The following EIF3K variants were observed in gnomAD, a reference collection of about 807,000 sequenced individuals.
EIF3K encodes eukaryotic translation initiation factor 3 subunit K.
EIF3K carries 27 observed loss-of-function variants against 34.2 expected under a neutral mutation model. That is an observed-to-expected ratio of 0.79 (90% CI 0.58 to 1.09). The LOEUF is 1.09. Among genes scored for constraint, EIF3K ranks in the 50% least tolerant of loss-of-function variants. The probability of loss-of-function intolerance (pLI) is 0.00; values close to 1 mark genes in which losing one functional copy is unlikely to be tolerated. For synonymous variants in EIF3K, 105 were observed against 105.7 expected, an observed-to-expected ratio of 0.99 and a Z score of 0.04; for missense variants, 232 against 275.4, an observed-to-expected ratio of 0.84 and a Z score of 1.11.
chr19:38,630,317 C>T (rs1976033376), intron 4 of EIF3K, among the ~76,000 whole-genome samples: 1 of 151,206 alleles, frequency 6.6e-6, no homozygotes, highest in East Asian at 1.9e-4. Context: ...TCCACCACCA[C>T]ACCCGGTTTA....
At chr19:38,636,529 A>G (rs554387395) in intron 7 of EIF3K, among the ~76,000 whole-genome samples, 2 of 152,322 alleles carry the variant, frequency 1.3e-5, no homozygotes, top group South Asian at 2.1e-4. Flanking sequence ...AGTAAATATT[A>G]TCATGTAGGT....
At chr19:38,622,231 A>G (rs918224078) in intron 2 of EIF3K, among the ~76,000 whole-genome samples, 1 of 149,644 alleles carries the variant, frequency 6.7e-6, no homozygotes, top group African/African-American at 2.5e-5. Flanking sequence ...TCGGCCTCCT[A>G]AGTAGCTGTA....
intron 2 of EIF3K, among the ~76,000 whole-genome samples, chr19:38,622,161 G>A (rs1021462521): frequency 1.0e-4 from 15 of 149,556 alleles, no homozygotes; most frequent in Middle Eastern, 3.4e-3. Flanking sequence ...GCCTTGGCGT[G>A]ATCTCATGAT....
rs527953782 is a variant in EIF3K, at chr19:38,635,594, G to T, written c.625+476G>T. The T allele has an allele frequency of 1.6e-5, 3 of 187,536 alleles. No homozygotes were observed. In the East Asian group the frequency reaches 3.9e-4, roughly 24 times the overall value. The allele number at this position is 187,536 out of a possible 1,614,324, so 11.6% of individuals were successfully genotyped here. A position where few individuals can be genotyped will look rare whatever the true frequency, so the allele number is the denominator to read the frequency against. On this transcript the variant is annotated intron_variant, in intron 7 of 7. Transcript: ENST00000248342. ...CAACAGTAACTATGATAAACACTGT[G>T]TAGGTCCTTACACTTACATCATTTG...
chr19:38,630,534 C>T (rs984204584), intron 4 of EIF3K, among the ~76,000 whole-genome samples: 1 of 151,652 alleles, frequency 6.6e-6, no homozygotes, highest in Non-Finnish European at 1.5e-5. Context: ...TTAGTAGAGA[C>T]GAGGTTTCAC....
intron 3 of EIF3K, among the ~76,000 whole-genome samples, chr19:38,625,751 C>G (rs1975937193): frequency 6.6e-6 from 1 of 152,222 alleles, no homozygotes. Context: ...CTCAGGTGAT[C>G]CACCCGCCTT....
intron 2 of EIF3K, among the ~76,000 whole-genome samples, chr19:38,622,335 GA>G (rs1975860218): frequency 6.6e-6 from 1 of 152,316 alleles, no homozygotes; most frequent in East Asian, 1.9e-4. Context: ...GAGTACAAAA[GA>G]GAGAAATTTT....
rs528290636 is a variant in EIF3K, at chr19:38,629,475, TAGTA to T, written c.355-2954_355-2951del. ...CACGCCTGGCTAATTTTTCTATTTGTAGTAGAGGTTGGATTTCGCCATGTTGACC... is the reference window on the plus strand; with the variant it reads ...CACGCCTGGCTAATTTTTCTATTTGTGAGGTTGGATTTCGCCATGTTGACC... On this transcript the variant is annotated intron_variant, in intron 4 of 7. Transcript: ENST00000248342. Among the ~76,000 whole-genome samples the T allele has an allele frequency of 1.6e-3, 244 of 152,218 alleles. No homozygotes were observed. In the Middle Eastern group the frequency reaches 0.041, roughly 25 times the overall value.
At chr19:38,627,581 T>C (rs963865629) in intron 4 of EIF3K, among the ~76,000 whole-genome samples, 3 of 152,050 alleles carry the variant, frequency 2.0e-5, no homozygotes, top group East Asian at 2.0e-4. Context: ...GGAGAATCAC[T>C]TGAACCCAGT....
At chr19:38,620,030 A>G (rs976230708) in intron 1 of EIF3K, among the ~76,000 whole-genome samples, 12 of 152,184 alleles carry the variant, frequency 7.9e-5, no homozygotes, top group Non-Finnish European at 8.8e-5. Flanking sequence ...AGGGGTGAGT[A>G]GCAGAGACAT....
intron 3 of EIF3K, 121 bp downstream of exon 3, chr19:38,624,318 G>T (rs1599731773): frequency 6.8e-7 from 1 of 1,467,066 alleles, no homozygotes; most frequent in East Asian, 2.4e-5. Flanking sequence ...CTCTGGTCCA[G>T]CGTGGCAAGG....
intron 1 of EIF3K, 25 bp downstream of exon 1, chr19:38,619,352 C>T (rs1436367230): frequency 6.2e-7 from 1 of 1,613,212 alleles, no homozygotes; most frequent in Admixed American, 1.7e-5. Flanking sequence ...GGAGGAAGCG[C>T]TCTGGCCAAG....
intron 2 of EIF3K, among the ~76,000 whole-genome samples, chr19:38,622,055 A>G (rs1599729982): frequency 6.7e-6 from 1 of 148,544 alleles, no homozygotes. Context: ...ACAGGCATGC[A>G]CCACCATGCC....
chr19:38,620,047 G>A (rs1975806339), intron 1 of EIF3K, among the ~76,000 whole-genome samples: 1 of 152,210 alleles, frequency 6.6e-6, no homozygotes, highest in Admixed American at 6.5e-5. Flanking sequence ...ACATTCAGGA[G>A]GCCAGGTGTA....
intron 6 of EIF3K, 124 bp from the exon 7 acceptor site, chr19:38,634,869 A>G (rs1976155141): frequency 2.2e-6 from 3 of 1,395,322 alleles, no homozygotes; most frequent in Non-Finnish European, 2.9e-6. Flanking sequence ...GCTGCTGTCC[A>G]GGAGATGTCA....
Position 38,619,263 on chromosome 19 carries a change from G to T in EIF3K, c.-6G>T. The T allele has an allele frequency of 6.2e-7, 1 of 1,614,018 alleles. No individual in the cohort carries two copies. Among genetic ancestry groups the T allele is most frequent in the Non-Finnish European group, 8.5e-7 (1 of 1,179,914 alleles). On this transcript the variant is annotated 5_prime_UTR_variant, in exon 1 of 8. Transcript: ENST00000248342. ...CCAGCCCTGGTTGTGGAAGGCGACAGAAGTCATGGCGATGTTTGAGCAGAT... is the reference window on the plus strand; with the variant it reads ...CCAGCCCTGGTTGTGGAAGGCGACATAAGTCATGGCGATGTTTGAGCAGAT...
rs527874937 is a variant in EIF3K, at chr19:38,624,118, C to A, written c.200C>A (p.Ala67Asp). Residue 67 changes from alanine to aspartate, a missense_variant, in exon 3 of 8, where the codon GCC (alanine) becomes GAC (aspartate). Physicochemically the swap from Ala to Asp is moderately radical, Grantham distance 126. Coordinates refer to ENST00000248342, the MANE Select transcript of EIF3K (RefSeq NM_013234.4). ...NPAFFQTTVT[A>D]QILLKALTNL... is the part of the protein sequence containing the mutation. ...GCCTTCTTTCAGACCACGGTCACCGCCCAGATCCTGCTGAAGGCCCTCACC... is the reference window on the plus strand; with the variant it reads ...GCCTTCTTTCAGACCACGGTCACCGACCAGATCCTGCTGAAGGCCCTCACC... The A allele has an allele frequency of 6.2e-7, 1 of 1,614,206 alleles. No individual in the cohort carries two copies. The highest frequency in any genetic ancestry group is 1.3e-5 in the African/African-American group (1 of 75,040).
chr19:38,627,689 A>T (rs983598793), intron 4 of EIF3K, among the ~76,000 whole-genome samples: 8 of 151,358 alleles, frequency 5.3e-5, no homozygotes, highest in Non-Finnish European at 1.0e-4. Flanking sequence ...AAAAAAAAAA[A>T]TTCAGCTCCT....
At chr19:38,625,558 G>A (rs1241485930) in intron 3 of EIF3K, among the ~76,000 whole-genome samples, 1 of 148,940 alleles carries the variant, frequency 6.7e-6, no homozygotes, top group African/African-American at 2.6e-5. Context: ...CATCCAGGCT[G>A]GCGTGCAAAG....
Sources: gnomAD v4.1 joint callset for allele counts (sites outside exome capture counted in the v4.1 genomes callset) on GRCh38, gnomAD v4.1.1 for gene constraint, MANE v1.5 for transcripts, NCBI Gene and HGNC (gene_info 2026-07-23, HGNC 2026-07-21) for gene names.